Variants in ZNF609 observed in about 807,000 individuals in gnomAD.
ZNF609 encodes zinc finger protein 609.
A neutral mutation model predicts 109.5 loss-of-function variants in ZNF609; 11 were observed. That is an observed-to-expected ratio of 0.10 (90% CI 0.06 to 0.17). The LOEUF (loss-of-function observed/expected upper bound fraction) is 0.17, where lower values mean the gene tolerates loss of function less well. Ranked by LOEUF, ZNF609 falls within the 10% of genes least tolerant of loss-of-function variation. The probability of loss-of-function intolerance (pLI) is 1.00; values close to 1 mark genes in which losing one functional copy is unlikely to be tolerated. For synonymous variants in ZNF609, 646 were observed against 662.0 expected, an observed-to-expected ratio of 0.98 and a Z score of 0.37; for missense variants, 1,559 against 1,772.4, an observed-to-expected ratio of 0.88 and a Z score of 2.16.
chr15:64,466,116 CAA>C lies in ZNF609; in HGVS notation c.-128+5300_-128+5301del, dbSNP rs749648623. ...GGTCAACAAGAATGAAACCCTGTCT[CAA>C]AAAAAAAAAAAAAAAAAAAAAGTTA... On this transcript the variant is annotated intron_variant, in intron 1 of 9. Transcript: ENST00000326648. 1.7e-4 allele frequency among the ~76,000 whole-genome samples: 14 copies of C among 81,892 alleles called. No homozygotes were observed. The South Asian group carries it at 2.3e-3, about 13-fold the overall frequency. The allele number at this position is 81,892 out of a possible 152,430, so 53.7% of individuals were successfully genotyped here. A position where few individuals can be genotyped will look rare whatever the true frequency, so the allele number is the denominator to read the frequency against.
intron 3 of ZNF609, among the ~76,000 whole-genome samples, chr15:64,632,252 A>G (rs961555830): frequency 6.6e-6 from 1 of 151,668 alleles, no homozygotes; most frequent in African/African-American, 2.4e-5. Flanking sequence ...ACAGTGTCTT[A>G]TTACATTGCA....
At chr15:64,563,540 G>A (rs1723766652) in intron 2 of ZNF609, among the ~76,000 whole-genome samples, 1 of 152,142 alleles carries the variant, frequency 6.6e-6, no homozygotes, top group South Asian at 2.1e-4. Flanking sequence ...ACTTGGGGAG[G>A]CCGAGGTGGG....
chr15:64,527,062 GA>G (rs895440790), intron 2 of ZNF609, among the ~76,000 whole-genome samples: 27 of 152,054 alleles, frequency 1.8e-4, no homozygotes, highest in African/African-American at 6.5e-4. Context: ...GGAGGCTGGA[GA>G]AACCTCTGGA....
chr15:64,524,109 T>C lies in ZNF609; in HGVS notation c.747+23943T>C, dbSNP rs1189513165. On this transcript the variant is annotated intron_variant, in intron 2 of 9. Transcript: ENST00000326648. ...ATACAATTCAGTGGTTTATACTATA[T>C]TCACAAACTGTGTACCCATCACATC... is the stretch of plus-strand genomic sequence containing the variant. Among the ~76,000 whole-genome samples the C allele has an allele frequency of 3.3e-5, 5 of 152,180 alleles. No individual in the cohort carries two copies. In the East Asian group the frequency reaches 7.7e-4, roughly 23 times the overall value.
rs750178682 is a variant in ZNF609 at position 64,500,130 on chromosome 15, T to C, written c.711T>C (p.Asn237=). 10 of 1,613,690 alleles carry C rather than the reference T, an allele frequency of 6.2e-6. No individual in the cohort carries two copies. In the South Asian group the frequency reaches 1.1e-4, roughly 18 times the overall value. ...GTKPEPEEGE[N]ECRLLKKVKS... ...AACCGGAGCCAGAGGAAGGGGAGAATGAGTGTCGCCTGCTAAAGAAAGTCA... is the reference window on the plus strand; with the variant it reads ...AACCGGAGCCAGAGGAAGGGGAGAACGAGTGTCGCCTGCTAAAGAAAGTCA... Residue 237 remains asparagine (N), a synonymous_variant, in exon 2 of 10, where the codon AAT becomes AAC. Transcript: ENST00000326648.
intron 2 of ZNF609, among the ~76,000 whole-genome samples, chr15:64,603,207 A>G (rs1194425680): frequency 6.6e-6 from 1 of 151,578 alleles, no homozygotes; most frequent in Non-Finnish European, 1.5e-5. Context: ...TAATGGCGTC[A>G]GAAATCTTGA....
At chr15:64,557,345 T>C (rs1567013802) in intron 2 of ZNF609, among the ~76,000 whole-genome samples, 1 of 152,142 alleles carries the variant, frequency 6.6e-6, no homozygotes, top group African/African-American at 2.4e-5. Flanking sequence ...AATTTACTCT[T>C]CTACTCCTTC....
intron 1 of ZNF609, among the ~76,000 whole-genome samples, chr15:64,469,736 CA>C (rs1010146177): frequency 1.3e-5 from 2 of 151,782 alleles, no homozygotes; most frequent in African/African-American, 4.8e-5. Flanking sequence ...CAGAAAGCTG[CA>C]AAAAAGGCTG....
intron 2 of ZNF609, among the ~76,000 whole-genome samples, chr15:64,622,177 A>G (rs186756802): frequency 6.6e-6 from 1 of 152,224 alleles, no homozygotes; most frequent in Admixed American, 6.5e-5. Context: ...TTAAACAACC[A>G]CTGTTACATG....
intron 3 of ZNF609, among the ~76,000 whole-genome samples, chr15:64,625,934 T>TAGAGAGAG (rs1345949122): frequency 2.8e-5 from 2 of 71,056 alleles, no homozygotes; most frequent in African/African-American, 1.1e-4. Context: ...TATATATATA[T>TAGAGAGAG]ATAGAGAGAG....
chr15:64,461,984 G>T (rs980077838), intron 1 of ZNF609, among the ~76,000 whole-genome samples: 2 of 152,148 alleles, frequency 1.3e-5, no homozygotes, highest in African/African-American at 4.8e-5. Flanking sequence ...TATCGGGAGC[G>T]CTACCCCAGG....
intron 3 of ZNF609, among the ~76,000 whole-genome samples, chr15:64,655,982 A>G (rs1285124301): frequency 6.6e-6 from 1 of 152,236 alleles, no homozygotes; most frequent in Non-Finnish European, 1.5e-5. Flanking sequence ...CCAGATTTAG[A>G]AAACAGCATG....
At chr15:64,575,809 C>G (rs1355259019) in intron 2 of ZNF609, among the ~76,000 whole-genome samples, 1 of 152,076 alleles carries the variant, frequency 6.6e-6, no homozygotes, top group Non-Finnish European at 1.5e-5. Flanking sequence ...TAAATAATTA[C>G]TTGATATACT....
chr15:64,565,077 G>A (rs1053884168), intron 2 of ZNF609, among the ~76,000 whole-genome samples: 2 of 141,322 alleles, frequency 1.4e-5, no homozygotes, highest in Non-Finnish European at 3.1e-5. Context: ...TTTTGAGACG[G>A]AGTCTTGATT....
chr15:64,474,564 C>T (rs2140332494), intron 1 of ZNF609, among the ~76,000 whole-genome samples: 1 of 152,214 alleles, frequency 6.6e-6, no homozygotes, highest in Non-Finnish European at 1.5e-5. Flanking sequence ...GCAATAACCT[C>T]ATGGTTATTG....
chr15:64,526,979 T>G (rs1893975770), intron 2 of ZNF609, among the ~76,000 whole-genome samples: 1 of 152,076 alleles, frequency 6.6e-6, no homozygotes, highest in Non-Finnish European at 1.5e-5. Context: ...GGAACATTTA[T>G]ACTGTAGTTA....
At chr15:64,557,088 A>G (rs762653611) in intron 2 of ZNF609, among the ~76,000 whole-genome samples, 11 of 152,118 alleles carry the variant, frequency 7.2e-5, no homozygotes, top group Non-Finnish European at 1.5e-4. Flanking sequence ...AGCACAGACT[A>G]TTAGTTTGAA....
intron 2 of ZNF609, among the ~76,000 whole-genome samples, chr15:64,587,156 T>C (rs564488435): frequency 1.3e-5 from 2 of 152,330 alleles, no homozygotes; most frequent in Admixed American, 1.3e-4. Context: ...AATTAGTTTA[T>C]CTGTTTAGAG....
chr15:64,642,851 A>G (rs1896283153), intron 3 of ZNF609, among the ~76,000 whole-genome samples: 1 of 152,146 alleles, frequency 6.6e-6, no homozygotes. Flanking sequence ...ATTTTTTTAA[A>G]TGGTTTTCAG....
Sources: gnomAD v4.1 joint callset for allele counts (sites outside exome capture counted in the v4.1 genomes callset) on GRCh38, gnomAD v4.1.1 for gene constraint, MANE v1.5 for transcripts, NCBI Gene and HGNC (gene_info 2026-07-23, HGNC 2026-07-21) for gene names.